Variants in SLC24A3 observed in about 807,000 individuals in gnomAD.
The protein encoded by SLC24A3 is sodium/potassium/calcium exchanger 3.
Under a neutral mutation model 75.8 loss-of-function variants are expected in SLC24A3, and 28 were observed. The observed-to-expected ratio is 0.37, with a 90% CI of 0.27 to 0.51. The LOEUF is 0.51. Among genes scored for constraint, SLC24A3 ranks in the 20% least tolerant of loss-of-function variants. The pLI is 0.94. For missense variants in SLC24A3, 663 were observed against 847.8 expected, an observed-to-expected ratio of 0.78 and a Z score of 2.71; for synonymous variants, 372 against 334.1, an observed-to-expected ratio of 1.11 and a Z score of -1.24.
chr20:19,610,197 A>C (rs1268557250), intron 6 of SLC24A3, among the ~76,000 whole-genome samples: 1 of 150,650 alleles, frequency 6.6e-6, no homozygotes, highest in Non-Finnish European at 1.5e-5. Flanking sequence ...CATTCTCTTC[A>C]TTCTCCCCTT....
chr20:19,518,471 G>A (rs2030038784), intron 3 of SLC24A3, among the ~76,000 whole-genome samples: 1 of 152,246 alleles, frequency 6.6e-6, no homozygotes, highest in Non-Finnish European at 1.5e-5. Context: ...AGGAAGGCCA[G>A]GTGGTGCTGT....
intron 2 of SLC24A3, among the ~76,000 whole-genome samples, chr20:19,319,580 C>T (rs761017173): frequency 2.6e-5 from 4 of 152,164 alleles, no homozygotes; most frequent in Non-Finnish European, 5.9e-5. Context: ...GACTCCTTGC[C>T]CTGGAAGCAC....
At chr20:19,440,559 A>C (rs1262163484) in intron 2 of SLC24A3, among the ~76,000 whole-genome samples, 3 of 152,210 alleles carry the variant, frequency 2.0e-5, no homozygotes, top group Non-Finnish European at 4.4e-5. Flanking sequence ...GGTGCCGACA[A>C]CGAACATTTC....
chr20:19,483,823 C>T (rs1487862797), intron 2 of SLC24A3, among the ~76,000 whole-genome samples: 3 of 151,996 alleles, frequency 2.0e-5, no homozygotes, highest in Non-Finnish European at 4.4e-5. Context: ...TCCCAGAGTA[C>T]CAAAGAGAAC....
intron 1 of SLC24A3, among the ~76,000 whole-genome samples, chr20:19,236,182 C>T (rs988763196): frequency 1.3e-5 from 2 of 152,164 alleles, no homozygotes; most frequent in Non-Finnish European, 2.9e-5. Context: ...GGGACACAGT[C>T]GTTGCTTTGA....
rs773797851 is a variant in SLC24A3, at chr20:19,580,017, T to C, written c.366T>C (p.Tyr122=). Residue 122 remains tyrosine, a synonymous_variant, in exon 4 of 17, where the codon TAT becomes TAC. Transcript: ENST00000328041. ...TCTTCCAGGCCATATACATGTTCTA[T>C]GCGCTGGCCATTGTGTGTGATGACT... ...LHVLCAIYMF[Y]ALAIVCDDFF... The C allele has an allele frequency of 2.5e-6, 4 of 1,613,530 alleles. No homozygotes were observed. In the South Asian group the frequency reaches 3.3e-5, roughly 13 times the overall value.
chr20:19,486,988 C>T (rs79759074), intron 2 of SLC24A3, among the ~76,000 whole-genome samples: 9,136 of 152,208 alleles, frequency 0.06, 822 homozygotes, highest in African/African-American at 0.2. Context: ...CATTGGGGCC[C>T]GTCAAACCTG....
intron 3 of SLC24A3, among the ~76,000 whole-genome samples, chr20:19,546,643 C>T (rs966129350): frequency 2.0e-5 from 3 of 152,166 alleles, no homozygotes; most frequent in Admixed American, 6.5e-5. Flanking sequence ...GGGGCAGACT[C>T]GCAATTTTTA....
At chr20:19,403,590 G>A (rs1287736683) in intron 2 of SLC24A3, among the ~76,000 whole-genome samples, 1 of 152,152 alleles carries the variant, frequency 6.6e-6, no homozygotes, top group African/African-American at 2.4e-5. Flanking sequence ...AGAGGACATA[G>A]TACTGTGGGA....
At chr20:19,401,742 G>A (rs1986555535) in intron 2 of SLC24A3, among the ~76,000 whole-genome samples, 2 of 152,196 alleles carry the variant, frequency 1.3e-5, no homozygotes, top group African/African-American at 4.8e-5. Context: ...AAGCATGAAA[G>A]TGTAGAGAAA....
chr20:19,594,739 T>C (rs2031429476), intron 6 of SLC24A3, among the ~76,000 whole-genome samples: 1 of 152,028 alleles, frequency 6.6e-6, no homozygotes, highest in South Asian at 2.1e-4. Context: ...GAGTAAGATA[T>C]TAATATAGTG....
At chr20:19,558,696 T>C (rs952421083) in intron 3 of SLC24A3, among the ~76,000 whole-genome samples, 2 of 152,210 alleles carry the variant, frequency 1.3e-5, no homozygotes, top group Non-Finnish European at 2.9e-5. Flanking sequence ...CACAGTGACG[T>C]TGTACAGCTG....
At chr20:19,230,501 C>G (rs774834318) in intron 1 of SLC24A3, among the ~76,000 whole-genome samples, 1 of 152,054 alleles carries the variant, frequency 6.6e-6, no homozygotes, top group Non-Finnish European at 1.5e-5. Flanking sequence ...CTCTTTCCAT[C>G]GCACCTCTTT....
chr20:19,548,668 G>T (rs2030643631), intron 3 of SLC24A3, among the ~76,000 whole-genome samples: 1 of 152,190 alleles, frequency 6.6e-6, no homozygotes, highest in Non-Finnish European at 1.5e-5. Context: ...TCTTTCAACA[G>T]AAAGAGTCCA....
intron 2 of SLC24A3, among the ~76,000 whole-genome samples, chr20:19,354,262 A>T (rs1985632144): frequency 1.3e-5 from 2 of 152,196 alleles, no homozygotes; most frequent in Admixed American, 1.3e-4. Flanking sequence ...AGAAAAAAAT[A>T]ATTTAAAAAC....
intron 1 of SLC24A3, among the ~76,000 whole-genome samples, chr20:19,245,493 A>G (rs1355908702): frequency 1.3e-5 from 2 of 152,218 alleles, no homozygotes; most frequent in African/African-American, 4.8e-5. Flanking sequence ...TGAAGAAGAC[A>G]GTCAATATAG....
rs765357990 is a variant in SLC24A3 at position 19,681,964 on chromosome 20, G to A, written c.874G>A (p.Asp292Asn). 9.9e-5 allele frequency: 159 copies of A among 1,614,052 alleles called. No individual in the cohort carries two copies. The highest frequency in any genetic ancestry group is 1.3e-4 in the Non-Finnish European group (156 of 1,180,044). The change falls in exon 10 of 17, where the codon GAC becomes AAC. Residue 292 changes from aspartate to asparagine, a missense_variant. Coordinates refer to ENST00000328041, the MANE Select transcript of SLC24A3 (RefSeq NM_020689.4). ...NAEIDDSSNC[D>N]ATVVLLKKAN... Reference sequence around the variant, plus strand: ...TGAAATTGATGACAGCAGCAACTGCGACGCAACTGTGGTGCTACTTAAGAA... The same window carrying A: ...TGAAATTGATGACAGCAGCAACTGCAACGCAACTGTGGTGCTACTTAAGAA...
At chr20:19,712,848 T>G (rs1998118) in intron 15 of SLC24A3, among the ~76,000 whole-genome samples, 68,178 of 152,126 alleles carry the variant, frequency 0.45, 17,178 homozygotes, top group East Asian at 0.67. Context: ...GAAGGAGTCT[T>G]TAAAAATGAT....
intron 1 of SLC24A3, chr20:19,261,964 T>C (rs1468460290): frequency 6.6e-6 from 1 of 152,228 alleles, no homozygotes; most frequent in East Asian, 1.9e-4. Flanking sequence ...TCAAGGCAGG[T>C]AGGATCAATG....
Sources: gnomAD v4.1 joint callset for allele counts (sites outside exome capture counted in the v4.1 genomes callset) on GRCh38, gnomAD v4.1.1 for gene constraint, MANE v1.5 for transcripts, NCBI Gene and HGNC (gene_info 2026-07-23, HGNC 2026-07-21) for gene names.